The following SLC35F1 variants were observed in gnomAD, a reference collection of about 807,000 sequenced individuals.
The protein encoded by SLC35F1 is solute carrier family 35 member F1, also known as chromosome 6 open reading frame 169.
In SLC35F1, 14 loss-of-function variants were observed where a neutral mutation model predicts 48.7. That is an observed-to-expected ratio of 0.29 (90% CI 0.19 to 0.45). SLC35F1 has a LOEUF of 0.45. Ranked by LOEUF, SLC35F1 falls within the 20% of genes least tolerant of loss-of-function variation. The probability of loss-of-function intolerance (pLI) is 1.00; values close to 1 mark genes in which losing one functional copy is unlikely to be tolerated. For synonymous variants in SLC35F1, 190 were observed against 202.2 expected (o/e 0.94, Z 0.51); for missense variants, 404 against 500.0 (o/e 0.81, Z 1.83).
At chr6:118,044,542 C>T (rs1335740383) in intron 1 of SLC35F1, among the ~76,000 whole-genome samples, 1 of 152,074 alleles carries the variant, frequency 6.6e-6, no homozygotes, top group Non-Finnish European at 1.5e-5. Context: ...ACTGGGAGGC[C>T]CTGGCAGTAT....
chr6:117,980,550 A>T (rs924343229), intron 1 of SLC35F1, among the ~76,000 whole-genome samples: 1 of 152,194 alleles, frequency 6.6e-6, no homozygotes, highest in African/African-American at 2.4e-5. Flanking sequence ...TTCTGTTTTC[A>T]TTCTCATTTA....
rs1775482920 is a variant in SLC35F1, at chr6:118,244,499, TC to T, written c.477+8864del. On this transcript the variant is annotated intron_variant, in intron 3 of 7. Transcript: ENST00000360388. ...TTAAGGGGTGACTTATGCAGAAATT[TC>T]TAGGGAAGGGCTAGTAACTTTGGCA... Among the ~76,000 whole-genome samples the T allele has an allele frequency of 3.9e-5, 6 of 152,394 alleles. No individual in the cohort carries two copies. In the Middle Eastern group the frequency reaches 0.01, roughly 259 times the overall value.
intron 1 of SLC35F1, among the ~76,000 whole-genome samples, chr6:118,061,820 C>A (rs1402439711): frequency 6.6e-6 from 1 of 152,032 alleles, no homozygotes; most frequent in Non-Finnish European, 1.5e-5. Context: ...GAGCATGCAA[C>A]CTAGATCCTT....
intron 2 of SLC35F1, among the ~76,000 whole-genome samples, chr6:118,230,228 C>T (rs773905179): frequency 3.0e-4 from 45 of 151,778 alleles, no homozygotes; most frequent in Non-Finnish European, 4.4e-4. Context: ...TAGTCCCAGC[C>T]ACTCGGGAGG....
intron 1 of SLC35F1, among the ~76,000 whole-genome samples, chr6:118,058,257 A>G (rs1341180205): frequency 2.6e-5 from 4 of 152,088 alleles, no homozygotes; most frequent in Non-Finnish European, 4.4e-5. Context: ...GGGTTTTTAG[A>G]TTTCTCTTTC....
intron 2 of SLC35F1, among the ~76,000 whole-genome samples, chr6:118,188,427 G>A (rs1774689454): frequency 6.6e-6 from 1 of 152,026 alleles, no homozygotes; most frequent in African/African-American, 2.4e-5. Context: ...GCATGCACCT[G>A]TAATCCCAGC....
chr6:118,057,074 T>C (rs546770217), intron 1 of SLC35F1, among the ~76,000 whole-genome samples: 1 of 152,268 alleles, frequency 6.6e-6, no homozygotes, highest in East Asian at 1.9e-4. Context: ...AATGAGATAA[T>C]TGCATTTGGG....
intron 1 of SLC35F1, among the ~76,000 whole-genome samples, chr6:118,071,511 C>T (rs576922525): frequency 5.0e-4 from 76 of 152,174 alleles, no homozygotes; most frequent in East Asian, 1.9e-3. Context: ...ATCTCTAGGA[C>T]TTTCCTTCAC....
At chr6:117,969,222 A>G (rs1319567299) in intron 1 of SLC35F1, among the ~76,000 whole-genome samples, 2 of 152,246 alleles carry the variant, frequency 1.3e-5, no homozygotes, top group African/African-American at 4.8e-5. Flanking sequence ...ATATAGTTCA[A>G]CATTTTTACC....
intron 2 of SLC35F1, among the ~76,000 whole-genome samples, chr6:118,157,735 C>T (rs1774167844): frequency 2.0e-5 from 3 of 152,164 alleles, no homozygotes; most frequent in Admixed American, 1.3e-4. Context: ...AGTCCTTCCA[C>T]GTTACTCTGC....
rs978443198 is a variant in SLC35F1, at chr6:118,044,888, CCTT to C, written c.174-109554_174-109552del. 8.5e-5 allele frequency among the ~76,000 whole-genome samples: 13 copies of C among 152,166 alleles called. No individual in the cohort carries two copies. The South Asian group carries it at 2.7e-3, about 32-fold the overall frequency. On this transcript the variant is annotated intron_variant, in intron 1 of 7. Transcript: ENST00000360388. ...AACCTCTGTCTCTATGAGATGCAAT[CCTT>C]CTAATTTAGGAAGGGGAGAGGGAAT... is the stretch of plus-strand genomic sequence containing the variant.
chr6:118,154,073 C>T (rs1774103011), intron 1 of SLC35F1, among the ~76,000 whole-genome samples: 1 of 152,134 alleles, frequency 6.6e-6, no homozygotes, highest in Non-Finnish European at 1.5e-5. Flanking sequence ...CTAAATATTT[C>T]ATTAATGCTA....
At chr6:118,003,079 C>G (rs1345052481) in intron 1 of SLC35F1, among the ~76,000 whole-genome samples, 2 of 152,082 alleles carry the variant, frequency 1.3e-5, no homozygotes, top group Middle Eastern at 3.2e-3. Context: ...TAGGAGGAAA[C>G]AGAATAATGA....
chr6:118,060,161 T>C (rs998738078), intron 1 of SLC35F1, among the ~76,000 whole-genome samples: 17 of 152,200 alleles, frequency 1.1e-4, no homozygotes, highest in African/African-American at 9.7e-5. Flanking sequence ...TTTAGGTCTG[T>C]AAACAGCTAA....
intron 2 of SLC35F1, among the ~76,000 whole-genome samples, chr6:118,203,417 A>C (rs560059685): frequency 4.6e-5 from 7 of 152,302 alleles, no homozygotes; most frequent in Admixed American, 3.9e-4. Context: ...AGGATGTTAC[A>C]ATCTGAGGGC....
At chr6:118,266,211 G>T (rs1775771529) in intron 3 of SLC35F1, among the ~76,000 whole-genome samples, 1 of 152,146 alleles carries the variant, frequency 6.6e-6, no homozygotes, top group Non-Finnish European at 1.5e-5. Context: ...TAGCACAGGG[G>T]TCTTCTCATT....
In SLC35F1 at chr6:117,907,562, G is replaced by C; in HGVS notation, c.-165G>C. 1 of 385,856 alleles carries C rather than the reference G, an allele frequency of 2.6e-6. No individual in the cohort carries two copies. The highest frequency in any genetic ancestry group is 4.2e-5 in the East Asian group (1 of 24,004). 23.9% of individuals were successfully genotyped at this position (385,856 alleles called of 1,614,324 possible). A position where few individuals can be genotyped will look rare whatever the true frequency, so the allele number is the denominator to read the frequency against. On this transcript the variant is annotated 5_prime_UTR_variant, in exon 1 of 8. Transcript: ENST00000360388. ...GGAGTGAGTGGCGGGCTGGGCGGCG[G>C]CGGCCGTAGCCGCGGGTGCCTCCCC...
rs774698315 is a variant in SLC35F1 at position 117,969,424 on chromosome 6, G to A, written c.173+61525G>A. 3.3e-5 allele frequency among the ~76,000 whole-genome samples: 5 copies of A among 152,236 alleles called. No homozygotes were observed. The South Asian group carries it at 8.3e-4, about 25-fold the overall frequency. On this transcript the variant is annotated intron_variant, in intron 1 of 7. Coordinates refer to ENST00000360388, the MANE Select transcript of SLC35F1 (RefSeq NM_001029858.4). The stretch of plus-strand genomic sequence containing the variant: ...TATTTTTATTTCCTGATTCAGAAAC[G>A]TAATGTATGGACATGGTCTAACTTT...
chr6:118,253,294 G>A (rs1464883545), intron 3 of SLC35F1, among the ~76,000 whole-genome samples: 3 of 152,150 alleles, frequency 2.0e-5, no homozygotes, highest in South Asian at 2.1e-4. Context: ...ATGGTTGAGA[G>A]CACCAAAAGA....
Sources: gnomAD v4.1 joint callset for allele counts (sites outside exome capture counted in the v4.1 genomes callset) on GRCh38, gnomAD v4.1.1 for gene constraint, MANE v1.5 for transcripts, NCBI Gene and HGNC (gene_info 2026-07-23, HGNC 2026-07-21) for gene names.